The following PRKRA variants were observed in gnomAD, a reference collection of about 807,000 sequenced individuals.
PRKRA encodes protein activator of interferon induced protein kinase EIF2AK2.
Under a neutral mutation model 32.4 loss-of-function variants are expected in PRKRA, and 22 were observed. The ratio of observed to expected loss-of-function variants is 0.68; its 90% CI spans 0.49 to 0.97. The LOEUF is 0.97. Ranked by LOEUF, PRKRA falls within the 50% of genes least tolerant of loss-of-function variation. PRKRA has a pLI of 0.00. For synonymous variants in PRKRA, 139 were observed against 129.8 expected, an observed-to-expected ratio of 1.07 and a Z score of -0.48; for missense variants, 319 against 375.6, an observed-to-expected ratio of 0.85 and a Z score of 1.25.
At chr2:178,437,048 GAAGT>G (rs1397408003) in intron 6 of PRKRA, among the ~76,000 whole-genome samples, 3 of 152,008 alleles carry the variant, frequency 2.0e-5, no homozygotes, top group East Asian at 1.9e-4. Flanking sequence ...ACTACTTTCT[GAAGT>G]AAGTAGGGTT....
Position 178,441,586 on chromosome 2 carries a change from ATCATAGCTG to A in PRKRA, c.609+15_609+23del. Reference sequence around the variant, plus strand: ...GCAAGAAATGCTTAATGACATTAACATCATAGCTGTCAACATTACTCACTAAAGAAATGT... The same window carrying A: ...GCAAGAAATGCTTAATGACATTAACATCAACATTACTCACTAAAGAAATGT... On this transcript the variant is annotated intron_variant, in intron 6 of 7. Coordinates refer to ENST00000325748, the MANE Select transcript of PRKRA (RefSeq NM_003690.5). 4 of 717,468 alleles carry A rather than the reference ATCATAGCTG, an allele frequency of 5.6e-6. No individual in the cohort carries two copies. Among genetic ancestry groups the A allele is most frequent in the Non-Finnish European group, 8.2e-6 (4 of 486,982 alleles). 44.4% of individuals were successfully genotyped at this position (717,468 alleles called of 1,614,324 possible). A position where few individuals can be genotyped will look rare whatever the true frequency, so the allele number is the denominator to read the frequency against.
chr2:178,437,308 G>A (rs1696940710), intron 6 of PRKRA, among the ~76,000 whole-genome samples: 1 of 152,082 alleles, frequency 6.6e-6, no homozygotes, highest in Non-Finnish European at 1.5e-5. Flanking sequence ...CCCATTCCCT[G>A]AAGACCTCTG....
intron 4 of PRKRA, 95 bp from the exon 5 acceptor site, chr2:178,443,479 T>A: frequency 1.6e-6 from 1 of 613,074 alleles, no homozygotes; most frequent in East Asian, 4.9e-5. Context: ...TATGTATATG[T>A]TTGAAAAGAA....
Position 178,448,496 on chromosome 2 carries a change from T to A in PRKRA, c.236-910A>T, listed in dbSNP as rs568464596. Among the ~76,000 whole-genome samples, 4 of 152,218 alleles carry A rather than the reference T, an allele frequency of 2.6e-5. No individual in the cohort carries two copies. In the South Asian group the frequency reaches 8.3e-4, roughly 32 times the overall value. On this transcript the variant is annotated intron_variant, in intron 2 of 7. Coordinates refer to ENST00000325748, the MANE Select transcript of PRKRA (RefSeq NM_003690.5). Reference sequence around the variant, plus strand: ...ACCTGAAGTATGGAATGGGATATGTTACAACAAGCCTAAGTGCAGGCTGTA... The same window carrying A: ...ACCTGAAGTATGGAATGGGATATGTAACAACAAGCCTAAGTGCAGGCTGTA...
At chr2:178,446,061 C>T (rs1697303617) in intron 3 of PRKRA, among the ~76,000 whole-genome samples, 1 of 151,396 alleles carries the variant, frequency 6.6e-6, no homozygotes, top group Non-Finnish European at 1.5e-5. Context: ...GTTTCACAGG[C>T]TGGAGTGCAG....
chr2:178,441,526 G>T, intron 6 of PRKRA, 84 bp downstream of exon 6: 1 of 815,024 alleles, frequency 1.2e-6, no homozygotes, highest in Non-Finnish European at 1.8e-6. Flanking sequence ...CTCTGAAGTA[G>T]CTATAGAATA....
At chr2:178,435,968 CAAG>C (rs1472482631) in intron 7 of PRKRA, among the ~76,000 whole-genome samples, 174 bp downstream of exon 7, 7 of 152,114 alleles carry the variant, frequency 4.6e-5, no homozygotes, top group Non-Finnish European at 8.8e-5. Context: ...TTACTATCCA[CAAG>C]AATGGGACAT....
rs572787898 is a variant in PRKRA, at chr2:178,433,024, C to T, written c.785-770G>A. ...TGCGGTATGATTTATTTGAAGTAGG[C>T]ATAATAAAAATGTTATTTTTGATAC... On this transcript the variant is annotated intron_variant, in intron 7 of 7. Transcript: ENST00000325748. Among the ~76,000 whole-genome samples, 221 of 152,252 alleles carry T rather than the reference C, an allele frequency of 1.5e-3. 5 individuals carry two copies. In the South Asian group the frequency reaches 0.022, roughly 15 times the overall value.
intron 5 of PRKRA, among the ~76,000 whole-genome samples, chr2:178,442,632 C>A (rs1164007112): frequency 1.3e-5 from 2 of 152,182 alleles, no homozygotes; most frequent in African/African-American, 4.8e-5. Flanking sequence ...GGCCACACTA[C>A]CTCCCAAAGG....
chr2:178,435,995 A>ATG, intron 7 of PRKRA, 150 bp downstream of exon 7: 1 of 668,604 alleles, frequency 1.5e-6, no homozygotes, highest in East Asian at 2.7e-5. Flanking sequence ...AATTATATAT[A>ATG]TTACTGGCCT....
intron 2 of PRKRA, among the ~76,000 whole-genome samples, chr2:178,449,899 C>G (rs1697483983): frequency 6.6e-6 from 1 of 152,214 alleles, no homozygotes; most frequent in South Asian, 2.1e-4. Flanking sequence ...TTCACAGTAC[C>G]TACTGACCCA....
intron 1 of PRKRA, chr2:178,450,714 C>A: frequency 7.2e-7 from 1 of 1,384,934 alleles, no homozygotes; most frequent in East Asian, 2.7e-5. Context: ...CCTGACGATC[C>A]CTTCCCGGGC....
intron 6 of PRKRA, among the ~76,000 whole-genome samples, chr2:178,440,708 C>G (rs566958257): frequency 9.2e-5 from 14 of 152,202 alleles, no homozygotes; most frequent in Non-Finnish European, 1.6e-4. Context: ...GCTGTCATGT[C>G]TCACGTGTCT....
intron 5 of PRKRA, among the ~76,000 whole-genome samples, chr2:178,442,324 ATTAT>A: frequency 6.6e-6 from 1 of 152,210 alleles, no homozygotes; most frequent in Non-Finnish European, 1.5e-5. Context: ...ATTCTGACCA[ATTAT>A]TTAGATTTAT....
At chr2:178,436,927 C>T (rs1250043642) in intron 6 of PRKRA, among the ~76,000 whole-genome samples, 1 of 152,112 alleles carries the variant, frequency 6.6e-6, no homozygotes, top group Non-Finnish European at 1.5e-5. Context: ...TTTCCTCTTT[C>T]CTTTATCCTC....
chr2:178,436,508 A>G (rs1413729138), intron 6 of PRKRA, among the ~76,000 whole-genome samples, 189 bp from the exon 7 acceptor site: 3 of 152,230 alleles, frequency 2.0e-5, no homozygotes, highest in African/African-American at 4.8e-5. Flanking sequence ...TAACAATACT[A>G]TATGTTTTTA....
intron 2 of PRKRA, among the ~76,000 whole-genome samples, chr2:178,448,069 T>C (rs1051663074): frequency 1.3e-5 from 2 of 152,246 alleles, no homozygotes; most frequent in Admixed American, 6.5e-5. Flanking sequence ...GCCTGTCCTA[T>C]AACGTATCAA....
chr2:178,432,293 T>C, intron 7 of PRKRA, 39 bp from the exon 8 acceptor site: 4 of 906,754 alleles, frequency 4.4e-6, no homozygotes, highest in Non-Finnish European at 4.7e-6. Context: ...TAATGTCCAA[T>C]ATGTATAAAG....
At position 178,432,009 on chromosome 2, in the gene PRKRA, T is replaced by G. The variant is rs1304242382; in HGVS notation, c.*88A>C. 1 of 1,429,754 alleles carries G rather than the reference T, an allele frequency of 7.0e-7. No individual in the cohort carries two copies. The highest frequency in any genetic ancestry group is 9.7e-7 in the Non-Finnish European group (1 of 1,026,558). The allele number at this position is 1,429,754 out of a possible 1,614,324, so 88.6% of individuals were successfully genotyped here. A position where few individuals can be genotyped will look rare whatever the true frequency, so the allele number is the denominator to read the frequency against. On this transcript the variant is annotated 3_prime_UTR_variant, in exon 8 of 8. Coordinates refer to ENST00000325748, the MANE Select transcript of PRKRA (RefSeq NM_003690.5). ...TATGAAGAGATTTAGAAACAAGACATAAACACTACGGTAAAAGTTTTACTT... is the reference window on the plus strand; with the variant it reads ...TATGAAGAGATTTAGAAACAAGACAGAAACACTACGGTAAAAGTTTTACTT...
Sources: allele counts gnomAD v4.1 joint callset (sites outside exome capture counted in the v4.1 genomes callset), GRCh38; gene constraint gnomAD v4.1.1; transcripts MANE v1.5; gene names NCBI Gene and HGNC (gene_info 2026-07-23, HGNC 2026-07-21).